Variants in CCDC148 observed in about 807,000 individuals in gnomAD.
CCDC148 encodes the protein coiled-coil domain containing 148, also known as coiled-coil domain-containing protein 148.
Under a neutral mutation model 85.7 loss-of-function variants are expected in CCDC148, and 89 were observed. The observed-to-expected ratio is 1.04, with a 90% CI of 0.87 to 1.24. CCDC148 has a LOEUF of 1.24. Among genes scored for constraint, CCDC148 ranks in the 50% most tolerant of loss-of-function variants. The pLI, the probability that CCDC148 is intolerant of heterozygous loss-of-function variation, is 0.00. For synonymous variants in CCDC148, 230 were observed against 213.9 expected (o/e 1.08, Z -0.66); for missense variants, 692 against 671.7 (o/e 1.03, Z -0.33).
chr2:158,248,877 G>A (rs1315569932), intron 10 of CCDC148, among the ~76,000 whole-genome samples: 1 of 152,024 alleles, frequency 6.6e-6, no homozygotes, highest in Admixed American at 6.6e-5. Context: ...GGGTGCCTCA[G>A]CCATTAAAAT....
intron 11 of CCDC148, among the ~76,000 whole-genome samples, chr2:158,208,883 A>G (rs1686399130): frequency 6.6e-6 from 1 of 152,164 alleles, no homozygotes; most frequent in Non-Finnish European, 1.5e-5. Flanking sequence ...AGGTTGGACT[A>G]GATGCATTGT....
intron 1 of CCDC148, among the ~76,000 whole-genome samples, chr2:158,434,853 G>C (rs1388764917): frequency 1.3e-5 from 2 of 152,196 alleles, no homozygotes. Flanking sequence ...TAGCCAATTT[G>C]ATCAAGTGCA....
intron 3 of CCDC148, 69 bp from the exon 4 acceptor site, chr2:158,340,749 A>G (rs530220111): frequency 1.1e-6 from 1 of 919,028 alleles, no homozygotes; most frequent in Admixed American, 2.7e-5. Flanking sequence ...AAAAATAACC[A>G]AAGAGATATT....
chr2:158,234,447 T>C (rs2105315831), intron 10 of CCDC148, among the ~76,000 whole-genome samples: 1 of 152,244 alleles, frequency 6.6e-6, no homozygotes, highest in South Asian at 2.1e-4. Context: ...CTCATTTACC[T>C]CTGGTAGGAG....
At chr2:158,336,491 G>C (rs1682387696) in intron 7 of CCDC148, among the ~76,000 whole-genome samples, 1 of 152,108 alleles carries the variant, frequency 6.6e-6, no homozygotes, top group Non-Finnish European at 1.5e-5. Context: ...CCTTCTTAGA[G>C]GCAAAGCCAT....
intron 1 of CCDC148, among the ~76,000 whole-genome samples, chr2:158,405,460 T>C (rs750270556): frequency 1.4e-4 from 21 of 152,102 alleles, no homozygotes; most frequent in Admixed American, 2.0e-4. Flanking sequence ...ACAGCCTTAA[T>C]TGAGGATAAT....
At position 158,234,014 on chromosome 2, in the gene CCDC148, A is replaced by G. The variant is rs145937030; in HGVS notation, c.1252-13301T>C. Among the ~76,000 whole-genome samples the G allele has an allele frequency of 2.4e-3, 367 of 152,206 alleles. 4 individuals carry two copies. In the East Asian group the frequency reaches 0.033, roughly 14 times the overall value. The stretch of plus-strand genomic sequence containing the variant: ...AACATGGTGAAACCCTGTCTCTACT[A>G]AAAATACAAAACTTAGCTGGGCATG... On this transcript the variant is annotated intron_variant, in intron 10 of 13. Coordinates refer to ENST00000283233, the MANE Select transcript of CCDC148 (RefSeq NM_138803.4).
chr2:158,341,309 ATTTTTT>A (rs10552652), intron 3 of CCDC148, among the ~76,000 whole-genome samples: 1 of 138,790 alleles, frequency 7.2e-6, no homozygotes. Flanking sequence ...GTACATACAT[ATTTTTT>A]TTTTTTTTTT....
chr2:158,403,887 G>C (rs761874940), intron 1 of CCDC148, among the ~76,000 whole-genome samples: 61 of 152,108 alleles, frequency 4.0e-4, no homozygotes, highest in Non-Finnish European at 7.8e-4. Flanking sequence ...CCACAGACTT[G>C]TTCTCATAAA....
intron 9 of CCDC148, among the ~76,000 whole-genome samples, chr2:158,272,666 GGCAGCCAAAT>G (rs1327518641): frequency 6.6e-6 from 1 of 152,162 alleles, no homozygotes; most frequent in East Asian, 1.9e-4. Flanking sequence ...CAGAGGATGA[GGCAGCCAAAT>G]GCAGGTCTGA....
At chr2:158,241,233 A>G (rs564420128) in intron 10 of CCDC148, among the ~76,000 whole-genome samples, 23 of 152,264 alleles carry the variant, frequency 1.5e-4, no homozygotes, top group Non-Finnish European at 2.8e-4. Context: ...ATATGTATGT[A>G]TGTATATGCA....
In CCDC148 at chr2:158,381,073, A is replaced by T. The variant is rs147962894; in HGVS notation, c.26-22503T>A. 4.0e-4 allele frequency: 61 copies of T among 152,244 alleles called. 1 individual carries two copies. Among genetic ancestry groups the T allele is most frequent in the African/African-American group, 1.1e-3 (45 of 41,534 alleles). 9.4% of individuals were successfully genotyped at this position (152,244 alleles called of 1,614,324 possible). A position where few individuals can be genotyped will look rare whatever the true frequency, so the allele number is the denominator to read the frequency against. On this transcript the variant is annotated intron_variant, in intron 1 of 13. Transcript: ENST00000283233. ...TTGGAATTGGCAAAGATTTCTTTTTAAAAAAATGTTCATCTTAAATGGAAA... is the reference window on the plus strand; with the variant it reads ...TTGGAATTGGCAAAGATTTCTTTTTTAAAAAATGTTCATCTTAAATGGAAA...
intron 11 of CCDC148, among the ~76,000 whole-genome samples, chr2:158,219,340 C>A (rs929574796): frequency 2.6e-5 from 4 of 152,278 alleles, no homozygotes; most frequent in Admixed American, 6.5e-5. Flanking sequence ...TGCCAGTTAT[C>A]AATGTAATGT....
At chr2:158,369,088 T>A (rs1265972801) in intron 1 of CCDC148, among the ~76,000 whole-genome samples, 1 of 152,140 alleles carries the variant, frequency 6.6e-6, no homozygotes, top group African/African-American at 2.4e-5. Flanking sequence ...TAATGGGGAT[T>A]CTGCCAGGCG....
At chr2:158,312,434 T>C (rs1692067034) in intron 8 of CCDC148, among the ~76,000 whole-genome samples, 1 of 151,834 alleles carries the variant, frequency 6.6e-6, no homozygotes, top group South Asian at 2.1e-4. Context: ...ATACAAAAAT[T>C]AGCTGGGCGT....
intron 1 of CCDC148, among the ~76,000 whole-genome samples, chr2:158,400,384 G>A (rs897049376): frequency 1.3e-5 from 2 of 152,142 alleles, no homozygotes; most frequent in Non-Finnish European, 2.9e-5. Context: ...GAACAGAACA[G>A]AGGTCTCAGA....
intron 11 of CCDC148, among the ~76,000 whole-genome samples, chr2:158,205,312 G>A (rs1686181096): frequency 6.6e-6 from 1 of 152,102 alleles, no homozygotes; most frequent in African/African-American, 2.4e-5. Context: ...ACATCCTGTT[G>A]TCATTTACAG....
chr2:158,252,316 T>C (rs1043124254), intron 9 of CCDC148, among the ~76,000 whole-genome samples: 5 of 151,774 alleles, frequency 3.3e-5, no homozygotes, highest in Non-Finnish European at 5.9e-5. Flanking sequence ...TTAAATACAG[T>C]TCAGTTTAGC....
intron 10 of CCDC148, among the ~76,000 whole-genome samples, chr2:158,233,175 T>C (rs374104942): frequency 1.3e-5 from 2 of 152,268 alleles, no homozygotes; most frequent in East Asian, 3.9e-4. Context: ...AAAGATCCCC[T>C]TTCTACTTTT....
Sources: gnomAD v4.1 joint callset for allele counts (sites outside exome capture counted in the v4.1 genomes callset) on GRCh38, gnomAD v4.1.1 for gene constraint, MANE v1.5 for transcripts, NCBI Gene and HGNC (gene_info 2026-07-23, HGNC 2026-07-21) for gene names.